Variants in RBFOX1 observed in about 807,000 individuals in gnomAD.
RBFOX1 encodes the protein RNA binding fox-1 homolog 1.
Under a neutral mutation model 57.7 loss-of-function variants are expected in RBFOX1, and 8 were observed. That is an observed-to-expected ratio of 0.14 (90% CI 0.08 to 0.25). RBFOX1 has a LOEUF of 0.25. Among genes scored for constraint, RBFOX1 ranks in the 10% least tolerant of loss-of-function variants. RBFOX1 has a pLI of 1.00. For missense variants in RBFOX1, 611 were observed against 548.5 expected (o/e 1.11, Z -1.14); for synonymous variants, 326 against 222.4 (o/e 1.47, Z -4.15).
At chr16:5,651,336 A>T (rs1041430343) in intron 3 of RBFOX1, among the ~76,000 whole-genome samples, 3 of 152,026 alleles carry the variant, frequency 2.0e-5, no homozygotes, top group African/African-American at 7.2e-5. Context: ...CACAGGAGTG[A>T]ACCACCATGC....
intron 3 of RBFOX1, among the ~76,000 whole-genome samples, chr16:6,949,560 G>C (rs77289423): frequency 0.018 from 2,438 of 137,778 alleles, 76 homozygotes; most frequent in African/African-American, 0.062. Flanking sequence ...ACGATCTTCG[G>C]GGTGTGTCCT....
At chr16:7,218,276 T>C (rs2092414255) in intron 4 of RBFOX1, among the ~76,000 whole-genome samples, 1 of 152,172 alleles carries the variant, frequency 6.6e-6, no homozygotes, top group Admixed American at 6.5e-5. Flanking sequence ...CTCTCAAAGA[T>C]GTAGATGGTG....
chr16:6,613,858 A>C (rs536965940), intron 2 of RBFOX1, among the ~76,000 whole-genome samples: 1 of 152,270 alleles, frequency 6.6e-6, no homozygotes, highest in Non-Finnish European at 1.5e-5. Context: ...GAATCACTTG[A>C]ATCTGGGAGG....
intron 1 of RBFOX1, among the ~76,000 whole-genome samples, chr16:5,240,760 A>G (rs2151056080): frequency 6.6e-6 from 1 of 152,268 alleles, no homozygotes; most frequent in South Asian, 2.1e-4. Context: ...TGTCCTGCAC[A>G]CGTGGGCCCC....
chr16:5,989,359 A>C (rs1050096107), intron 4 of RBFOX1, among the ~76,000 whole-genome samples: 2 of 152,008 alleles, frequency 1.3e-5, no homozygotes, highest in Admixed American at 6.6e-5. Flanking sequence ...AAACAAAAAA[A>C]CCCCAAAAAA....
chr16:5,513,541 C>G (rs867278031), intron 2 of RBFOX1, among the ~76,000 whole-genome samples: 1 of 152,176 alleles, frequency 6.6e-6, no homozygotes, highest in Non-Finnish European at 1.5e-5. Context: ...ATATGAGCAG[C>G]TCACATTTGA....
intron 3 of RBFOX1, among the ~76,000 whole-genome samples, chr16:6,655,665 C>G (rs989961511): frequency 6.6e-6 from 1 of 152,128 alleles, no homozygotes; most frequent in Admixed American, 6.6e-5. Flanking sequence ...CCAAGAAGAT[C>G]AGATTTTACC....
At chr16:6,483,258 G>C in intron 2 of RBFOX1, 1 of 1,287,168 alleles carries the variant, frequency 7.8e-7, no homozygotes. Flanking sequence ...CCCTTTGTGC[G>C]CGCCCGGGTG....
chr16:5,414,720 C>G (rs1361759428), intron 1 of RBFOX1, among the ~76,000 whole-genome samples: 1 of 152,166 alleles, frequency 6.6e-6, no homozygotes, highest in Non-Finnish European at 1.5e-5. Flanking sequence ...TGGCCACTAA[C>G]TCACCATCAG....
At chr16:5,640,518 A>G (rs1214890459) in intron 3 of RBFOX1, among the ~76,000 whole-genome samples, 1 of 149,798 alleles carries the variant, frequency 6.7e-6, no homozygotes. Flanking sequence ...ACATGCACAT[A>G]CACACATGCA....
Position 7,710,896 on chromosome 16 carries a change from T to A in RBFOX1, c.*151T>A. 1 of 824,460 alleles carries A rather than the reference T, an allele frequency of 1.2e-6. No individual in the cohort carries two copies. The highest frequency in any genetic ancestry group is 1.7e-6 in the Non-Finnish European group (1 of 597,804). The allele number at this position is 824,460 out of a possible 1,614,324, so 51.1% of individuals were successfully genotyped here. On this transcript the variant is annotated 3_prime_UTR_variant, in exon 16 of 16. Transcript: ENST00000550418. ...GGAAAAAAAATTACATTTTTTATCT[T>A]ATACCTCAGATATTTTGTTCTGTGT... is the stretch of plus-strand genomic sequence containing the variant.
intron 4 of RBFOX1, among the ~76,000 whole-genome samples, chr16:7,151,735 GT>G: frequency 6.6e-6 from 1 of 152,186 alleles, no homozygotes; most frequent in South Asian, 2.1e-4. Flanking sequence ...GCCTGACCTT[GT>G]TTTCCTGCAA....
At chr16:7,466,101 CA>C (rs899985427) in intron 4 of RBFOX1, among the ~76,000 whole-genome samples, 1 of 152,176 alleles carries the variant, frequency 6.6e-6, no homozygotes, top group African/African-American at 2.4e-5. Context: ...CCCTGGGGCA[CA>C]GGGGAAAAGA....
chr16:6,049,932 C>A (rs751650650), intron 1 of RBFOX1, among the ~76,000 whole-genome samples: 2 of 149,248 alleles, frequency 1.3e-5, no homozygotes, highest in African/African-American at 4.9e-5. Context: ...GGCCATTTTA[C>A]TCTGTTAAAA....
chr16:6,909,424 T>C (rs937576083), intron 3 of RBFOX1, among the ~76,000 whole-genome samples: 38 of 152,216 alleles, frequency 2.5e-4, no homozygotes, highest in Non-Finnish European at 2.6e-4. Context: ...CCAAGGTTCT[T>C]TTGCCAGGCA....
At chr16:6,838,911 A>G (rs1392658449) in intron 3 of RBFOX1, among the ~76,000 whole-genome samples, 1 of 151,922 alleles carries the variant, frequency 6.6e-6, no homozygotes, top group East Asian at 1.9e-4. Flanking sequence ...ATTAAATACC[A>G]TTCAAGACTG....
rs144244632 is a variant in RBFOX1 at position 6,221,583 on chromosome 16, G to T, written c.-126-95412G>T. ...TAATATGATCTTAAGCTAAATTAATGTATTAGTCCATTCTTATACTGCTAA... is the reference window on the plus strand; with the variant it reads ...TAATATGATCTTAAGCTAAATTAATTTATTAGTCCATTCTTATACTGCTAA... On this transcript the variant is annotated intron_variant, in intron 1 of 15. Coordinates refer to ENST00000550418, the MANE Select transcript of RBFOX1 (RefSeq NM_018723.4). 7.6e-4 allele frequency among the ~76,000 whole-genome samples: 115 copies of T among 152,292 alleles called. No individual in the cohort carries two copies. In the East Asian group the frequency reaches 0.017, roughly 23 times the overall value.
At chr16:7,389,472 C>A (rs913057119) in intron 4 of RBFOX1, among the ~76,000 whole-genome samples, 1 of 152,100 alleles carries the variant, frequency 6.6e-6, no homozygotes, top group Non-Finnish European at 1.5e-5. Flanking sequence ...GCTTGCTTCC[C>A]CTGAAGCCTG....
chr16:7,248,722 C>T (rs2094402280), intron 4 of RBFOX1, among the ~76,000 whole-genome samples: 1 of 152,078 alleles, frequency 6.6e-6, no homozygotes. Context: ...TATTCATCAT[C>T]CAGAGATAAT....
Sources: allele counts gnomAD v4.1 joint callset (sites outside exome capture counted in the v4.1 genomes callset), GRCh38; gene constraint gnomAD v4.1.1; transcripts MANE v1.5; gene names NCBI Gene and HGNC (gene_info 2026-07-23, HGNC 2026-07-21).